The following STON2 variants were observed in gnomAD, a reference collection of about 807,000 sequenced individuals.
STON2 encodes stonin 2, also known as stonin-2.
STON2 carries 29 observed loss-of-function variants against 65.7 expected under a neutral mutation model. The observed-to-expected ratio is 0.44, with a 90% CI of 0.33 to 0.60. The LOEUF is 0.60. Among genes scored for constraint, STON2 ranks in the 20% least tolerant of loss-of-function variants. The probability of loss-of-function intolerance (pLI) is 0.03; values close to 1 mark genes in which losing one functional copy is unlikely to be tolerated. For missense variants in STON2, 1,054 were observed against 1,118.1 expected (o/e 0.94, Z 0.82); for synonymous variants, 404 against 414.2 (o/e 0.98, Z 0.30).
At chr14:81,321,985 G>A (rs1896837257) in intron 5 of STON2, among the ~76,000 whole-genome samples, 1 of 152,168 alleles carries the variant, frequency 6.6e-6, no homozygotes, top group African/African-American at 2.4e-5. Flanking sequence ...TAAACTGCAT[G>A]TTTTTGCTTT....
chr14:81,364,845 G>A (rs1898648948), intron 4 of STON2, among the ~76,000 whole-genome samples: 1 of 152,152 alleles, frequency 6.6e-6, no homozygotes, highest in Non-Finnish European at 1.5e-5. Flanking sequence ...CATCAGGGAT[G>A]CAGACGATTT....
chr14:81,394,980 C>A (rs1271443765), intron 3 of STON2: 1 of 152,174 alleles, frequency 6.6e-6, no homozygotes, highest in Non-Finnish European at 1.5e-5. Context: ...TATCCAATCA[C>A]CTGTGGCATA....
At chr14:81,396,851 C>T (rs1003419650) in intron 2 of STON2, among the ~76,000 whole-genome samples, 21 of 152,200 alleles carry the variant, frequency 1.4e-4, no homozygotes, top group African/African-American at 2.9e-4. Flanking sequence ...CTGAGGTCAG[C>T]GGTTCGAGAC....
intron 2 of STON2, among the ~76,000 whole-genome samples, chr14:81,397,346 G>C (rs1371024473): frequency 6.6e-6 from 1 of 152,052 alleles, no homozygotes; most frequent in Non-Finnish European, 1.5e-5. Flanking sequence ...CACAACAGGA[G>C]AAAGTATTTT....
At position 81,268,187 on chromosome 14, in the gene STON2, T is replaced by G; in HGVS notation, c.*227A>C. 3 of 1,134,458 alleles carry G rather than the reference T, an allele frequency of 2.6e-6. No homozygotes were observed. The highest frequency in any genetic ancestry group is 3.3e-6 in the Non-Finnish European group (3 of 915,902). 70.3% of individuals were successfully genotyped at this position (1,134,458 alleles called of 1,614,324 possible). ...CAACAGTCAGGTGAACCTCGTGCTT[T>G]AGGCATGACCAGAATCAAAGAGCCT... On this transcript the variant is annotated 3_prime_UTR_variant, in exon 8 of 8. Transcript: ENST00000614646.
At chr14:81,294,352 C>G (rs183471444) in intron 5 of STON2, among the ~76,000 whole-genome samples, 3 of 152,250 alleles carry the variant, frequency 2.0e-5, no homozygotes, top group African/African-American at 7.2e-5. Context: ...CCTAGGTCAA[C>G]CTAGGCATAA....
intron 4 of STON2, among the ~76,000 whole-genome samples, chr14:81,328,931 G>C (rs970480575): frequency 6.6e-6 from 1 of 152,138 alleles, no homozygotes; most frequent in Non-Finnish European, 1.5e-5. Flanking sequence ...CCAGCGCCAT[G>C]CTTCTTGTAC....
In STON2 at chr14:81,397,996, A is replaced by G. The variant is rs150518498; in HGVS notation, c.88+299T>C. Among the ~76,000 whole-genome samples the G allele has an allele frequency of 2.6e-3, 391 of 152,238 alleles. 3 individuals are homozygous for G. The highest frequency in any genetic ancestry group is 8.8e-3 in the African/African-American group (367 of 41,548). The stretch of plus-strand genomic sequence containing the variant: ...TTTAACAACTACTTTTAATAACTAC[A>G]TTTTAAAAAGGCTGAGAGTAAAGTA... On this transcript the variant is annotated intron_variant, in intron 2 of 7. Coordinates refer to ENST00000614646, the MANE Select transcript of STON2 (RefSeq NM_001394390.1).
rs139226392 is a variant in STON2, at chr14:81,420,187, G to A, written c.-199+6915C>T. Among the ~76,000 whole-genome samples the A allele has an allele frequency of 6.6e-5, 10 of 152,334 alleles. No individual in the cohort carries two copies. In the East Asian group the frequency reaches 1.7e-3, roughly 26 times the overall value. On this transcript the variant is annotated intron_variant, in intron 2 of 8. Coordinates refer to the STON2 transcript ENST00000553821. ...GGACCTGCAGTAGTAGCCTCGGATGGCCGAATGATTCAGTCCAGTGGCCCA... is the reference window on the plus strand; with the variant it reads ...GGACCTGCAGTAGTAGCCTCGGATGACCGAATGATTCAGTCCAGTGGCCCA...
At chr14:81,305,781 A>G (rs1211235893) in intron 5 of STON2, among the ~76,000 whole-genome samples, 1 of 151,326 alleles carries the variant, frequency 6.6e-6, no homozygotes, top group Non-Finnish European at 1.5e-5. Flanking sequence ...TATATTTTTA[A>G]GGGACTTACC....
intron 2 of STON2, among the ~76,000 whole-genome samples, chr14:81,407,288 C>G (rs1230394416): frequency 6.6e-6 from 1 of 152,058 alleles, no homozygotes; most frequent in Admixed American, 6.5e-5. Flanking sequence ...GGTCATTTCA[C>G]AGTAATGTAC....
At chr14:81,282,299 T>C (rs914141352) in intron 5 of STON2, among the ~76,000 whole-genome samples, 2 of 152,188 alleles carry the variant, frequency 1.3e-5, no homozygotes, top group African/African-American at 2.4e-5. Context: ...CTAGGACATA[T>C]TGTTGAGTGA....
rs138989268 is a variant in STON2 at position 81,318,126 on chromosome 14, C to G, written c.742+5891G>C. Among the ~76,000 whole-genome samples the G allele has an allele frequency of 2.2e-3, 341 of 151,998 alleles. 1 individual carries two copies. Among genetic ancestry groups the G allele is most frequent in the African/African-American group, 7.7e-3 (321 of 41,480 alleles). ...GATTACAGGCGTGCACCACCATGCCCGGCTAATTTGTATTTTTAGTAGAGA... is the reference window on the plus strand; with the variant it reads ...GATTACAGGCGTGCACCACCATGCCGGGCTAATTTGTATTTTTAGTAGAGA... On this transcript the variant is annotated intron_variant, in intron 5 of 7. Coordinates refer to ENST00000614646, the MANE Select transcript of STON2 (RefSeq NM_001394390.1).
At position 81,324,201 on chromosome 14, in the gene STON2, G is replaced by A. The variant is rs1896926263; in HGVS notation, c.572-14C>T. On this transcript the variant is annotated splice_polypyrimidine_tract_variant and intron_variant, in intron 4 of 7. Transcript: ENST00000614646. ...CCGTCCTCTTGTCTGGGTGGGAAGG[G>A]CCAAGATGAAAAAAAAATGTGCAGG... Among the ~76,000 whole-genome samples, 1 of 152,100 alleles carries A rather than the reference G, an allele frequency of 6.6e-6. No individual in the cohort carries two copies. The highest frequency in any genetic ancestry group is 1.5e-5 in the Non-Finnish European group (1 of 68,012).
chr14:81,423,068 T>C (rs1226854703), intron 2 of STON2, among the ~76,000 whole-genome samples: 1 of 152,092 alleles, frequency 6.6e-6, no homozygotes, highest in Non-Finnish European at 1.5e-5. Flanking sequence ...TTTCCAGCTT[T>C]CCAGCACTTG....
chr14:81,409,600 A>AGT (rs1566948147), intron 2 of STON2, among the ~76,000 whole-genome samples: 1 of 152,144 alleles, frequency 6.6e-6, no homozygotes, highest in Non-Finnish European at 1.5e-5. Flanking sequence ...CCCTGAGATA[A>AGT]GTAAAGCAAA....
chr14:81,299,529 C>G lies in STON2; in HGVS notation c.743-20790G>C, dbSNP rs189998197. On this transcript the variant is annotated intron_variant, in intron 5 of 7. Coordinates refer to ENST00000614646, the MANE Select transcript of STON2 (RefSeq NM_001394390.1). Reference sequence around the variant, plus strand: ...AAAAAGTAAAAGAAAGAGGTTGAGCCCTGTGGCTAACTTATGAGCATTTTG... The same window carrying G: ...AAAAAGTAAAAGAAAGAGGTTGAGCGCTGTGGCTAACTTATGAGCATTTTG... Among the ~76,000 whole-genome samples, 308 of 152,222 alleles carry G rather than the reference C, an allele frequency of 2.0e-3. 2 individuals carry two copies. The highest frequency in any genetic ancestry group is 3.6e-3 in the Non-Finnish European group (248 of 68,022).
intron 7 of STON2, 143 bp from the exon 8 acceptor site, chr14:81,268,640 T>G (rs1894452070): frequency 8.2e-7 from 1 of 1,223,008 alleles, no homozygotes; most frequent in Non-Finnish European, 1.0e-6. Flanking sequence ...TTGGAGCTAC[T>G]GGCCCTGAGT....
chr14:81,369,133 G>C (rs1276494945), intron 4 of STON2, among the ~76,000 whole-genome samples: 1 of 152,032 alleles, frequency 6.6e-6, no homozygotes, highest in East Asian at 1.9e-4. Context: ...AGCTCCTGTT[G>C]GGCAGTCCCT....
Sources: gnomAD v4.1 joint callset for allele counts (sites outside exome capture counted in the v4.1 genomes callset) on GRCh38, gnomAD v4.1.1 for gene constraint, MANE v1.5 for transcripts, NCBI Gene and HGNC (gene_info 2026-07-23, HGNC 2026-07-21) for gene names.